Variants in VTCN1 observed in about 807,000 individuals in gnomAD.
VTCN1 encodes the protein V-set domain containing T cell activation inhibitor 1, also known as V-set domain-containing T-cell activation inhibitor 1.
Under a neutral mutation model 26.5 loss-of-function variants are expected in VTCN1, and 26 were observed. The observed-to-expected ratio is 0.98, with a 90% CI of 0.72 to 1.36. VTCN1 has a LOEUF of 1.36. Among genes scored for constraint, VTCN1 ranks in the 40% most tolerant of loss-of-function variants. VTCN1 has a pLI of 0.00. For synonymous variants in VTCN1, 116 were observed against 130.7 expected (o/e 0.89, Z 0.77); for missense variants, 298 against 337.7 (o/e 0.88, Z 0.92).
rs2101486199 is a variant in VTCN1 at position 117,161,686 on chromosome 1, A to C, written c.98-4765T>G. Among the ~76,000 whole-genome samples the C allele has an allele frequency of 6.6e-6, 1 of 152,340 alleles. No homozygotes were observed. The highest frequency in any genetic ancestry group is 2.4e-5 in the African/African-American group (1 of 41,576). ...TCAAAGCATTGTTTGAGATAGGCTA[A>C]AATTATTGTAGGAGTAAGGGACGTT... On this transcript the variant is annotated intron_variant, in intron 2 of 5. Transcript: ENST00000369458. The surrounding 1 kb of genome is among the most constrained non-coding windows in gnomAD (Gnocchi z 4.3).
intron 1 of VTCN1, among the ~76,000 whole-genome samples, chr1:117,190,585 T>G (rs775419139): frequency 6.6e-6 from 1 of 152,142 alleles, no homozygotes; most frequent in African/African-American, 2.4e-5. Context: ...TGGTTCAGTA[T>G]CAGCCCTACT....
In VTCN1 at chr1:117,155,264, T is replaced by G. The variant is rs1652012847; in HGVS notation, c.445+1310A>C. On this transcript the variant is annotated intron_variant, in intron 3 of 5. Coordinates refer to ENST00000369458, the MANE Select transcript of VTCN1 (RefSeq NM_024626.4). The surrounding 1 kb of genome is among the most constrained non-coding windows in gnomAD (Gnocchi z 4.8). ...GGTACATGCTGTTAACATGACTTATTAATGATGTTAACCTGGATCACCTGG... is the reference window on the plus strand; with the variant it reads ...GGTACATGCTGTTAACATGACTTATGAATGATGTTAACCTGGATCACCTGG... 6.6e-6 allele frequency among the ~76,000 whole-genome samples: 1 copy of G among 152,182 alleles called. No individual in the cohort carries two copies.
intron 2 of VTCN1, among the ~76,000 whole-genome samples, chr1:117,158,366 A>G (rs1323886811): frequency 3.9e-5 from 6 of 152,186 alleles, no homozygotes; most frequent in African/African-American, 7.2e-5. Flanking sequence ...CGCAAACCCC[A>G]ATTCTTGACT....
intron 2 of VTCN1, among the ~76,000 whole-genome samples, chr1:117,162,924 C>A (rs1652439717): frequency 6.6e-6 from 1 of 152,178 alleles, no homozygotes; most frequent in African/African-American, 2.4e-5. Context: ...ATGAGCTGTC[C>A]TTTGAAATGA....
At position 117,153,155 on chromosome 1, in the gene VTCN1, G is replaced by A; in HGVS notation, c.660C>T (p.Asn220=). ...TTTCAATCATACAGGAGTATGTGTT[G>A]TTGATCGTAACATTGTAGAGCACAG... is the stretch of plus-strand genomic sequence containing the variant. ...VVSVLYNVTI[N]NTYSCMIEND... The change falls in exon 4 of 6, where the codon AAC becomes AAT. Residue 220 remains asparagine, a synonymous_variant. Transcript: ENST00000369458. The A allele has an allele frequency of 6.2e-7, 1 of 1,614,050 alleles. No homozygotes were observed. Among genetic ancestry groups the A allele is most frequent in the Non-Finnish European group, 8.5e-7 (1 of 1,180,010 alleles).
chr1:117,196,959 G>A (rs775014886), intron 1 of VTCN1, among the ~76,000 whole-genome samples: 9 of 152,194 alleles, frequency 5.9e-5, no homozygotes, highest in Non-Finnish European at 1.2e-4. Flanking sequence ...ACACCTTTGG[G>A]GAATGCTAAT....
intron 1 of VTCN1, among the ~76,000 whole-genome samples, chr1:117,205,322 T>C (rs1649003407): frequency 6.6e-6 from 1 of 151,784 alleles, no homozygotes; most frequent in Non-Finnish European, 1.5e-5. Flanking sequence ...ACCTTGTTGA[T>C]TTTTGTATTT....
intron 1 of VTCN1, among the ~76,000 whole-genome samples, chr1:117,210,175 G>C (rs902093280): frequency 6.6e-6 from 1 of 152,072 alleles, no homozygotes; most frequent in Non-Finnish European, 1.5e-5. Flanking sequence ...CAAAAGGTAG[G>C]GGAGGGAACT....
chr1:117,182,301 T>C (rs1647710642), intron 1 of VTCN1, among the ~76,000 whole-genome samples: 8 of 152,184 alleles, frequency 5.3e-5, no homozygotes, highest in Admixed American at 5.2e-4. Context: ...GTAGAGGATG[T>C]ATTGTTCAGT....
At chr1:117,179,064 T>C (rs1314508348) in intron 1 of VTCN1, among the ~76,000 whole-genome samples, 3 of 152,210 alleles carry the variant, frequency 2.0e-5, no homozygotes, top group Non-Finnish European at 4.4e-5. Flanking sequence ...CACTCATCCA[T>C]GCACATTTTT....
intron 1 of VTCN1, among the ~76,000 whole-genome samples, chr1:117,209,640 G>A (rs146937230): frequency 0.017 from 2,521 of 152,302 alleles, 33 homozygotes; most frequent in Non-Finnish European, 0.023. Context: ...CAGGGCAGAA[G>A]GGTCTAGAGG....
intron 1 of VTCN1, among the ~76,000 whole-genome samples, chr1:117,186,015 CT>C (rs1465849488): frequency 1.3e-5 from 2 of 152,182 alleles, no homozygotes; most frequent in African/African-American, 4.8e-5. Flanking sequence ...GCAAAATAAA[CT>C]TTTTTAATTG....
At chr1:117,166,573 G>A (rs1004576253) in intron 2 of VTCN1, among the ~76,000 whole-genome samples, 7 of 150,622 alleles carry the variant, frequency 4.6e-5, no homozygotes, top group Admixed American at 4.0e-4. Context: ...GCTACACATG[G>A]TGAAACCCTG....
Position 117,147,548 on chromosome 1 carries a change from G to C in VTCN1, c.*45+65C>G. The stretch of plus-strand genomic sequence containing the variant: ...CTGTGGCTGATGCTGAAGGCTATCC[G>C]ACTCTCATTAGGAGCACAAGCACCC... On this transcript the variant is annotated intron_variant, in intron 5 of 5. Coordinates refer to ENST00000369458, the MANE Select transcript of VTCN1 (RefSeq NM_024626.4). This position sits in a 1 kb window ranked among gnomAD's most constrained non-coding sequence, Gnocchi z 4.6. 7.3e-7 allele frequency: 1 copy of C among 1,369,326 alleles called. No individual in the cohort carries two copies. Among genetic ancestry groups the C allele is most frequent in the Non-Finnish European group, 9.9e-7 (1 of 1,013,268 alleles). 84.8% of individuals were successfully genotyped at this position (1,369,326 alleles called of 1,614,324 possible). A position where few individuals can be genotyped will look rare whatever the true frequency, so the allele number is the denominator to read the frequency against.
chr1:117,202,897 G>A (rs1648856859), intron 1 of VTCN1, among the ~76,000 whole-genome samples: 2 of 152,180 alleles, frequency 1.3e-5, no homozygotes, highest in African/African-American at 4.8e-5. Context: ...GAGATGGGGT[G>A]GGTAGCTGGA....
intron 2 of VTCN1, among the ~76,000 whole-genome samples, chr1:117,163,324 C>T (rs1346045591): frequency 6.6e-6 from 1 of 152,172 alleles, no homozygotes; most frequent in Admixed American, 6.5e-5. Flanking sequence ...CTTTATTTCA[C>T]CATTTTTTAA....
At chr1:117,178,175 G>A (rs1647465925) in intron 1 of VTCN1, among the ~76,000 whole-genome samples, 1 of 151,800 alleles carries the variant, frequency 6.6e-6, no homozygotes, top group African/African-American at 2.4e-5. Flanking sequence ...CTAGCCTCAA[G>A]TGATCCTCCC....
rs914805016 is a variant in VTCN1 at position 117,147,903 on chromosome 1, T to A, written c.725-121A>T. Reference sequence around the variant, plus strand: ...ACAAGTTGTTCCTAATTCAGGCAATTTTTTACCCCTTTGCCCACCTCTCCG... The same window carrying A: ...ACAAGTTGTTCCTAATTCAGGCAATATTTTACCCCTTTGCCCACCTCTCCG... On this transcript the variant is annotated intron_variant, in intron 4 of 5. Coordinates refer to ENST00000369458, the MANE Select transcript of VTCN1 (RefSeq NM_024626.4). The surrounding 1 kb of genome is among the most constrained non-coding windows in gnomAD (Gnocchi z 4.6). 1 of 1,321,820 alleles carries A rather than the reference T, an allele frequency of 7.6e-7. No individual in the cohort carries two copies. The highest frequency in any genetic ancestry group is 2.4e-5 in the Admixed American group (1 of 41,726). The allele number at this position is 1,321,820 out of a possible 1,614,324, so 81.9% of individuals were successfully genotyped here. A position where few individuals can be genotyped will look rare whatever the true frequency, so the allele number is the denominator to read the frequency against.
intron 1 of VTCN1, among the ~76,000 whole-genome samples, chr1:117,194,886 G>T (rs1254806561): frequency 1.3e-5 from 2 of 152,188 alleles, no homozygotes; most frequent in Non-Finnish European, 2.9e-5. Flanking sequence ...AAATGGAGAG[G>T]TGTTAGTCAA....
Sources: allele counts gnomAD v4.1 joint callset (sites outside exome capture counted in the v4.1 genomes callset), GRCh38; gene constraint gnomAD v4.1.1; non-coding constraint Gnocchi (gnomAD v3.1); transcripts MANE v1.5; gene names NCBI Gene and HGNC (gene_info 2026-07-23, HGNC 2026-07-21).